BICC1: variants seen among roughly 807,000 people sequenced by gnomAD.
BICC1 encodes protein bicaudal C homolog 1.
Under a neutral mutation model 111.0 loss-of-function variants are expected in BICC1, and 43 were observed. That is an observed-to-expected ratio of 0.39 (90% confidence interval 0.30 to 0.50). BICC1 has a LOEUF of 0.50. Among genes scored for constraint, BICC1 ranks in the 20% least tolerant of loss-of-function variants. The pLI, the probability that BICC1 is intolerant of heterozygous loss-of-function variation, is 0.88. For synonymous variants in BICC1, 467 were observed against 434.4 expected (o/e 1.07, Z -0.93); for missense variants, 1,091 against 1,203.2 (o/e 0.91, Z 1.38).
At chr10:58,793,366 A>G in intron 8 of BICC1, 118 bp from the exon 9 acceptor site, 1 of 949,908 alleles carries the variant, frequency 1.1e-6, no homozygotes, top group Non-Finnish European at 1.6e-6. Context: ...CAGCTTTAAT[A>G]CTTCAGTTTA....
intron 1 of BICC1, among the ~76,000 whole-genome samples, chr10:58,590,357 G>A (rs1234426380): frequency 6.6e-6 from 1 of 152,166 alleles, no homozygotes; most frequent in East Asian, 1.9e-4. Flanking sequence ...GTGCTAAGGA[G>A]TTGTGTCTGC....
chr10:58,563,816 A>C (rs78245310), intron 1 of BICC1, among the ~76,000 whole-genome samples: 2 of 152,182 alleles, frequency 1.3e-5, no homozygotes, highest in Non-Finnish European at 2.9e-5. Flanking sequence ...ATGTTTAGCA[A>C]TATGATGGGG....
intron 2 of BICC1, among the ~76,000 whole-genome samples, chr10:58,647,217 A>G (rs1376421862): frequency 2.0e-5 from 3 of 152,194 alleles, no homozygotes; most frequent in Non-Finnish European, 4.4e-5. Context: ...ATAGTCTCAC[A>G]TCAAAAAATA....
At chr10:58,579,937 A>G (rs1844230301) in intron 1 of BICC1, among the ~76,000 whole-genome samples, 1 of 151,234 alleles carries the variant, frequency 6.6e-6, no homozygotes, top group Non-Finnish European at 1.5e-5. Flanking sequence ...TTTCATGGCT[A>G]TGTGAGAAAT....
At position 58,736,775 on chromosome 10, in the gene BICC1, A is replaced by G. The variant is rs138184362; in HGVS notation, c.307+34632A>G. Among the ~76,000 whole-genome samples the G allele has an allele frequency of 2.5e-3, 386 of 152,314 alleles. 3 individuals are homozygous for G. The highest frequency in any genetic ancestry group is 8.8e-3 in the African/African-American group (364 of 41,568). On this transcript the variant is annotated intron_variant, in intron 3 of 20. Coordinates refer to ENST00000373886, the MANE Select transcript of BICC1 (RefSeq NM_001080512.3). ...AAATTCTTGTATTACCAGAAGACTT[A>G]CTAAAGAACAGTAGTCTTTGTGATT...
chr10:58,736,260 A>C (rs1289821214), intron 3 of BICC1, among the ~76,000 whole-genome samples: 2 of 152,214 alleles, frequency 1.3e-5, no homozygotes, highest in African/African-American at 2.4e-5. Context: ...GCCACTGGAG[A>C]TGCAGTGGGA....
intron 2 of BICC1, among the ~76,000 whole-genome samples, chr10:58,692,416 A>G (rs1839937197): frequency 6.6e-6 from 1 of 152,224 alleles, no homozygotes; most frequent in Non-Finnish European, 1.5e-5. Context: ...TGACTACGCA[A>G]GTTGAAACTG....
At chr10:58,810,897 T>G (rs958563794) in intron 17 of BICC1, among the ~76,000 whole-genome samples, 8 of 152,170 alleles carry the variant, frequency 5.3e-5, no homozygotes, top group Admixed American at 4.6e-4. Context: ...GACCAATAGG[T>G]CCTGACAGGT....
At chr10:58,637,003 T>C (rs1340554768) in intron 2 of BICC1, among the ~76,000 whole-genome samples, 3 of 152,102 alleles carry the variant, frequency 2.0e-5, no homozygotes, top group South Asian at 2.1e-4. Flanking sequence ...TCCATATCTT[T>C]AGTTGCTTGA....
At chr10:58,520,974 TACCC>T (rs1564469289) in intron 1 of BICC1, among the ~76,000 whole-genome samples, 2 of 152,122 alleles carry the variant, frequency 1.3e-5, no homozygotes, top group Non-Finnish European at 2.9e-5. Flanking sequence ...TTACTGGCCC[TACCC>T]TTCTGTGACT....
intron 2 of BICC1, among the ~76,000 whole-genome samples, chr10:58,633,151 G>GT (rs1304866057): frequency 6.6e-6 from 1 of 152,142 alleles, no homozygotes; most frequent in Non-Finnish European, 1.5e-5. Flanking sequence ...AGATCTGATG[G>GT]TTTTTTAAAT....
chr10:58,574,217 A>C (rs1844043723), intron 1 of BICC1, among the ~76,000 whole-genome samples: 1 of 152,152 alleles, frequency 6.6e-6, no homozygotes, highest in Admixed American at 6.6e-5. Context: ...GCACAACAGA[A>C]GGATGTTTTG....
intron 2 of BICC1, among the ~76,000 whole-genome samples, chr10:58,670,705 T>A (rs891478585): frequency 1.4e-4 from 21 of 152,174 alleles, no homozygotes; most frequent in Non-Finnish European, 1.5e-5. Flanking sequence ...GATTTTTAAG[T>A]TCCTGTGAGA....
At chr10:58,622,173 C>T (rs1845840070) in intron 2 of BICC1, among the ~76,000 whole-genome samples, 2 of 151,850 alleles carry the variant, frequency 1.3e-5, no homozygotes, top group East Asian at 3.9e-4. Flanking sequence ...CAGAGTAAGT[C>T]CCTGTCTCAA....
intron 2 of BICC1, among the ~76,000 whole-genome samples, chr10:58,670,876 T>C (rs1480752533): frequency 2.6e-5 from 4 of 152,188 alleles, no homozygotes; most frequent in African/African-American, 9.6e-5. Flanking sequence ...AAGGACCTAC[T>C]GACACATGCA....
intron 2 of BICC1, among the ~76,000 whole-genome samples, chr10:58,654,940 A>C (rs1402849576): frequency 6.9e-6 from 1 of 144,320 alleles, no homozygotes; most frequent in Non-Finnish European, 1.5e-5. Context: ...TAAATAGGGA[A>C]TCCTTTCCCC....
At chr10:58,743,781 T>TC (rs1055567266) in intron 3 of BICC1, among the ~76,000 whole-genome samples, 39 of 151,378 alleles carry the variant, frequency 2.6e-4, no homozygotes, top group South Asian at 4.2e-4. Context: ...TCTTTTCTTT[T>TC]TTTTTTTTTT....
chr10:58,809,282 C>T (rs560956187), intron 17 of BICC1, among the ~76,000 whole-genome samples: 6 of 152,104 alleles, frequency 3.9e-5, no homozygotes, highest in Non-Finnish European at 5.9e-5. Flanking sequence ...GTGATCTGCC[C>T]GCCTCGGTGT....
chr10:58,785,413 T>C (rs1331750665), intron 4 of BICC1, among the ~76,000 whole-genome samples: 2 of 152,104 alleles, frequency 1.3e-5, no homozygotes, highest in Admixed American at 6.6e-5. Flanking sequence ...CTGATTAATA[T>C]AGGGTAAGTA....
Sources: allele counts gnomAD v4.1 joint callset (sites outside exome capture counted in the v4.1 genomes callset), GRCh38; gene constraint gnomAD v4.1.1; transcripts MANE v1.5; gene names NCBI Gene and HGNC (gene_info 2026-07-23, HGNC 2026-07-21).